The following TMEM117 variants were observed in gnomAD, a reference collection of about 807,000 sequenced individuals.
TMEM117 encodes transmembrane protein 117.
Under a neutral mutation model 52.4 loss-of-function variants are expected in TMEM117, and 27 were observed. The ratio of observed to expected loss-of-function variants is 0.51; its 90% CI spans 0.38 to 0.71. The LOEUF is 0.71. TMEM117 is among the 30% of genes least tolerant of loss of function. The pLI is 0.00. For synonymous variants in TMEM117, 215 were observed against 206.3 expected (o/e 1.04, Z -0.36); for missense variants, 556 against 630.5 (o/e 0.88, Z 1.26).
chr12:44,204,916 G>T (rs1424960818), intron 4 of TMEM117, among the ~76,000 whole-genome samples: 2 of 152,036 alleles, frequency 1.3e-5, no homozygotes, highest in South Asian at 2.1e-4. Context: ...ATGGATTAAA[G>T]ACTTAAATAT....
intron 5 of TMEM117, among the ~76,000 whole-genome samples, chr12:44,279,786 T>G (rs1014581820): frequency 1.3e-5 from 2 of 152,180 alleles, no homozygotes; most frequent in Non-Finnish European, 2.9e-5. Flanking sequence ...AGTGCTGGGA[T>G]TACAGGCGTG....
At chr12:43,855,221 A>G (rs1943379397) in intron 2 of TMEM117, among the ~76,000 whole-genome samples, 1 of 151,890 alleles carries the variant, frequency 6.6e-6, no homozygotes, top group Non-Finnish European at 1.5e-5. Context: ...AACTGTGGAA[A>G]CTGGATTGTG....
At chr12:44,304,401 G>A (rs1346665898) in intron 6 of TMEM117, among the ~76,000 whole-genome samples, 1 of 152,170 alleles carries the variant, frequency 6.6e-6, no homozygotes, top group Non-Finnish European at 1.5e-5. Flanking sequence ...AGGCCACAAG[G>A]ACTTGGAATT....
At chr12:44,258,643 A>G (rs1008182275) in intron 5 of TMEM117, among the ~76,000 whole-genome samples, 8 of 152,206 alleles carry the variant, frequency 5.3e-5, no homozygotes, top group Non-Finnish European at 1.2e-4. Context: ...AACATTTGTA[A>G]TTACATTTTA....
At chr12:44,363,749 G>C (rs1197871627) in intron 6 of TMEM117, among the ~76,000 whole-genome samples, 2 of 152,070 alleles carry the variant, frequency 1.3e-5, no homozygotes, top group Non-Finnish European at 2.9e-5. Flanking sequence ...TCCATTTCAG[G>C]CTAAGGCTAA....
chr12:43,800,526 C>T, the TMEM117 span: 3 of 1,612,208 alleles, frequency 1.9e-6, no homozygotes, highest in South Asian at 1.1e-5. Flanking sequence ...CATTTTTTGA[C>T]GAACCTATTC....
chr12:43,867,495 C>T (rs1168933651), intron 2 of TMEM117, among the ~76,000 whole-genome samples: 3 of 152,060 alleles, frequency 2.0e-5, no homozygotes, highest in Non-Finnish European at 2.9e-5. Flanking sequence ...TAATTTTTTA[C>T]GCAGAAAAAC....
intron 2 of TMEM117, among the ~76,000 whole-genome samples, chr12:43,854,870 C>G (rs1475156810): frequency 1.3e-5 from 2 of 152,280 alleles, no homozygotes; most frequent in East Asian, 3.9e-4. Flanking sequence ...CTCCTGACTT[C>G]AGGTGATCTG....
chr12:43,849,787 T>C (rs941944575), intron 2 of TMEM117, among the ~76,000 whole-genome samples: 1 of 152,196 alleles, frequency 6.6e-6, no homozygotes, highest in Non-Finnish European at 1.5e-5. Context: ...GTGAGGACTC[T>C]TGATTTAATT....
intron 4 of TMEM117, among the ~76,000 whole-genome samples, chr12:44,189,041 A>C (rs905301024): frequency 6.3e-4 from 96 of 152,046 alleles, no homozygotes; most frequent in Non-Finnish European, 1.3e-4. Context: ...ACCACCTTAA[A>C]TATTTATCTT....
chr12:44,129,700 T>C (rs1948384269), intron 3 of TMEM117, among the ~76,000 whole-genome samples: 1 of 152,160 alleles, frequency 6.6e-6, no homozygotes. Context: ...TGGTAGCCCT[T>C]TCATTCAGCT....
At position 43,911,804 on chromosome 12, in the gene TMEM117, T is replaced by C. The variant is rs373023810; in HGVS notation, c.278-32406T>C. ...AATCAAAACCACAGTGAGATACCAT[T>C]TCACACCAGTTAGAATGGCAATCAT... On this transcript the variant is annotated intron_variant, in intron 2 of 7. Transcript: ENST00000266534. 7.4e-4 allele frequency among the ~76,000 whole-genome samples: 84 copies of C among 113,652 alleles called. No homozygotes were observed. In the Middle Eastern group the frequency reaches 0.012, roughly 16 times the overall value. 74.6% of individuals were successfully genotyped at this position (113,652 alleles called of 152,430 possible).
chr12:44,267,639 G>A (rs941443619), intron 5 of TMEM117, among the ~76,000 whole-genome samples: 1 of 152,142 alleles, frequency 6.6e-6, no homozygotes, highest in African/African-American at 2.4e-5. Context: ...TACACACCTT[G>A]TATAACCAAA....
intron 2 of TMEM117, among the ~76,000 whole-genome samples, chr12:43,877,992 T>C (rs1943832894): frequency 6.6e-6 from 1 of 152,106 alleles, no homozygotes; most frequent in Admixed American, 6.6e-5. Flanking sequence ...TGTGAAAGGA[T>C]ACACTCAAGT....
chr12:44,084,755 T>C (rs1947538508), intron 3 of TMEM117, among the ~76,000 whole-genome samples: 1 of 152,194 alleles, frequency 6.6e-6, no homozygotes, highest in African/African-American at 2.4e-5. Context: ...GGCATAACAA[T>C]GACCATATGG....
chr12:43,967,072 A>C (rs1392998516), intron 3 of TMEM117, among the ~76,000 whole-genome samples: 5 of 151,722 alleles, frequency 3.3e-5, no homozygotes, highest in African/African-American at 1.2e-4. Context: ...GGTCGAACCC[A>C]GTGGATCCTG....
At chr12:44,210,295 T>A (rs1949628604) in intron 4 of TMEM117, among the ~76,000 whole-genome samples, 1 of 152,110 alleles carries the variant, frequency 6.6e-6, no homozygotes, top group Admixed American at 6.6e-5. Context: ...ATGTAACACT[T>A]TTTTAAAGGA....
chr12:43,823,525 T>A, the TMEM117 span, among the ~76,000 whole-genome samples: 1 of 152,180 alleles, frequency 6.6e-6, no homozygotes, highest in Admixed American at 6.5e-5. Context: ...TTATTTATTT[T>A]TTTGAGACAG....
intron 3 of TMEM117, among the ~76,000 whole-genome samples, chr12:44,025,592 C>T (rs1946520694): frequency 6.6e-6 from 1 of 151,980 alleles, no homozygotes; most frequent in Admixed American, 6.6e-5. Context: ...AGTTTAGGAA[C>T]ATGTAGTAAT....
Sources: allele counts gnomAD v4.1 joint callset (sites outside exome capture counted in the v4.1 genomes callset), GRCh38; gene constraint gnomAD v4.1.1; transcripts MANE v1.5; gene names NCBI Gene and HGNC (gene_info 2026-07-23, HGNC 2026-07-21).